PTPRD: variants seen among roughly 807,000 people sequenced by gnomAD.
The protein encoded by PTPRD is receptor-type tyrosine-protein phosphatase delta.
A neutral mutation model predicts 214.5 loss-of-function variants in PTPRD; 34 were observed. The observed-to-expected ratio is 0.16, with a 90% CI of 0.12 to 0.21. PTPRD has a LOEUF of 0.21. Ranked by LOEUF, PTPRD falls within the 10% of genes least tolerant of loss-of-function variation. The pLI is 1.00. For synonymous variants in PTPRD, 1,128 were observed against 845.7 expected (o/e 1.33, Z -5.79); for missense variants, 2,545 against 2,398.7 (o/e 1.06, Z -1.27).
intron 11 of PTPRD, among the ~76,000 whole-genome samples, chr9:8,890,789 C>G (rs1224608815): frequency 2.6e-5 from 4 of 152,114 alleles, no homozygotes. Context: ...GCATTGGTCT[C>G]TAGGAAGCAA....
intron 14 of PTPRD, among the ~76,000 whole-genome samples, chr9:8,583,233 C>G (rs879259162): frequency 6.6e-6 from 1 of 152,230 alleles, no homozygotes; most frequent in Non-Finnish European, 1.5e-5. Flanking sequence ...ATAATGATCT[C>G]TTGTCCGCTG....
intron 2 of PTPRD, among the ~76,000 whole-genome samples, chr9:10,520,411 G>A (rs939883320): frequency 3.3e-5 from 5 of 152,240 alleles, no homozygotes; most frequent in East Asian, 1.9e-4. Flanking sequence ...AACTAGCAGA[G>A]GTTGGTTCAT....
At chr9:8,647,597 A>C (rs925663156) in intron 12 of PTPRD, among the ~76,000 whole-genome samples, 1 of 152,148 alleles carries the variant, frequency 6.6e-6, no homozygotes, top group Non-Finnish European at 1.5e-5. Flanking sequence ...CTTTTTTGTA[A>C]TCATATCTTT....
intron 11 of PTPRD, among the ~76,000 whole-genome samples, chr9:8,934,153 C>A (rs1279612192): frequency 6.6e-6 from 1 of 150,530 alleles, no homozygotes; most frequent in Admixed American, 6.6e-5. Context: ...GAATTGGTAA[C>A]AAATAAACAC....
At chr9:10,248,253 CA>C (rs1405355748) in intron 3 of PTPRD, among the ~76,000 whole-genome samples, 2 of 151,994 alleles carry the variant, frequency 1.3e-5, no homozygotes, top group Non-Finnish European at 2.9e-5. Context: ...GGCTCTCAGT[CA>C]ACGTTTTTTG....
At chr9:9,775,486 T>G (rs1191265392) in intron 5 of PTPRD, among the ~76,000 whole-genome samples, 1 of 152,198 alleles carries the variant, frequency 6.6e-6, no homozygotes, top group East Asian at 1.9e-4. Context: ...TTAATTCACC[T>G]CTGTATTTCT....
chr9:9,195,910 A>C (rs974466248), intron 9 of PTPRD, among the ~76,000 whole-genome samples: 2 of 152,130 alleles, frequency 1.3e-5, no homozygotes, highest in Non-Finnish European at 2.9e-5. Flanking sequence ...AGGCTACATA[A>C]ATGCTGATAT....
chr9:9,117,245 G>C lies in PTPRD; in HGVS notation c.-143+66059C>G, dbSNP rs189190779. ...GTTTTTTTTTTTTTTTGTACTTTCAGGGTATGATTAACTTATACCCAAGTA... is the reference window on the plus strand; with the variant it reads ...GTTTTTTTTTTTTTTTGTACTTTCACGGTATGATTAACTTATACCCAAGTA... On this transcript the variant is annotated intron_variant, in intron 10 of 45. Coordinates refer to ENST00000381196, the MANE Select transcript of PTPRD (RefSeq NM_002839.4). Among the ~76,000 whole-genome samples, 168 of 144,658 alleles carry C rather than the reference G, an allele frequency of 1.2e-3. 1 individual carries two copies. Among genetic ancestry groups the C allele is most frequent in the Non-Finnish European group, 2.0e-3 (131 of 67,000 alleles). The allele number at this position is 144,658 out of a possible 152,430, so 94.9% of individuals were successfully genotyped here.
chr9:10,325,724 C>T (rs1463001234), intron 3 of PTPRD, among the ~76,000 whole-genome samples: 1 of 151,826 alleles, frequency 6.6e-6, no homozygotes, highest in Non-Finnish European at 1.5e-5. Flanking sequence ...TTTGTTTAAC[C>T]TGTAAGATAC....
intron 44 of PTPRD, among the ~76,000 whole-genome samples, chr9:8,320,868 G>A (rs542689057): frequency 6.6e-6 from 1 of 152,020 alleles, no homozygotes; most frequent in African/African-American, 2.4e-5. Context: ...AGATAATGAG[G>A]GAAACAGTGA....
At chr9:9,911,186 A>G (rs995601912) in intron 5 of PTPRD, among the ~76,000 whole-genome samples, 3 of 152,020 alleles carry the variant, frequency 2.0e-5, no homozygotes, top group African/African-American at 7.2e-5. Context: ...TTTGTTTGGG[A>G]AGGTAGACAG....
At chr9:9,882,110 T>C (rs2068924419) in intron 5 of PTPRD, among the ~76,000 whole-genome samples, 1 of 152,134 alleles carries the variant, frequency 6.6e-6, no homozygotes, top group African/African-American at 2.4e-5. Flanking sequence ...GTATTTAATA[T>C]TACATACTCA....
chr9:8,683,289 T>C (rs1054750295), intron 12 of PTPRD, among the ~76,000 whole-genome samples: 1 of 151,434 alleles, frequency 6.6e-6, no homozygotes, highest in Non-Finnish European at 1.5e-5. Flanking sequence ...TATGAAAACA[T>C]AGGGAGAATA....
At chr9:9,247,266 C>T (rs1319715130) in intron 9 of PTPRD, among the ~76,000 whole-genome samples, 2 of 152,000 alleles carry the variant, frequency 1.3e-5, no homozygotes, top group Non-Finnish European at 2.9e-5. Context: ...CACAGACAAG[C>T]CTTTCTGGGT....
At chr9:8,892,647 GTA>G (rs960822968) in intron 11 of PTPRD, among the ~76,000 whole-genome samples, 1 of 146,282 alleles carries the variant, frequency 6.8e-6, no homozygotes, top group African/African-American at 2.5e-5. Context: ...ATATATATGT[GTA>G]TATATATGAG....
At chr9:10,314,360 G>A (rs2096363183) in intron 3 of PTPRD, among the ~76,000 whole-genome samples, 1 of 151,892 alleles carries the variant, frequency 6.6e-6, no homozygotes, top group South Asian at 2.1e-4. Context: ...TTTTACAGGT[G>A]AAGGATGAGA....
chr9:9,010,557 T>G (rs1589744624), intron 11 of PTPRD, among the ~76,000 whole-genome samples: 1 of 152,236 alleles, frequency 6.6e-6, no homozygotes, highest in Non-Finnish European at 1.5e-5. Context: ...TATCTGCCAG[T>G]GCACATGTTT....
At chr9:9,682,091 C>T (rs1281899900) in intron 7 of PTPRD, among the ~76,000 whole-genome samples, 2 of 151,638 alleles carry the variant, frequency 1.3e-5, no homozygotes, top group Admixed American at 6.6e-5. Context: ...ACTTGCCAGC[C>T]CCTGGAAAAC....
At chr9:9,312,975 A>T (rs1959904675) in intron 9 of PTPRD, among the ~76,000 whole-genome samples, 1 of 152,166 alleles carries the variant, frequency 6.6e-6, no homozygotes, top group African/African-American at 2.4e-5. Flanking sequence ...TTACTCATGG[A>T]TTGACACAAA....
Sources: allele counts gnomAD v4.1 joint callset (sites outside exome capture counted in the v4.1 genomes callset), GRCh38; gene constraint gnomAD v4.1.1; transcripts MANE v1.5; gene names NCBI Gene and HGNC (gene_info 2026-07-23, HGNC 2026-07-21).